The following STK25 variants were observed in gnomAD, a reference collection of about 807,000 sequenced individuals.
STK25 encodes the protein serine/threonine-protein kinase 25.
A neutral mutation model predicts 53.8 loss-of-function variants in STK25; 29 were observed. The ratio of observed to expected loss-of-function variants is 0.54; its 90% CI spans 0.40 to 0.74. The LOEUF (loss-of-function observed/expected upper bound fraction) is 0.74, where lower values mean the gene tolerates loss of function less well. Among genes scored for constraint, STK25 ranks in the 30% least tolerant of loss-of-function variants. STK25 has a pLI of 0.00. For missense variants in STK25, 420 were observed against 568.0 expected (o/e 0.74, Z 2.65); for synonymous variants, 247 against 238.3 (o/e 1.04, Z -0.33).
In STK25 at chr2:241,493,480, A is replaced by G. The variant is rs745692051; in HGVS notation, c.*2182T>C. The G allele has an allele frequency of 6.2e-7, 1 of 1,600,504 alleles. No individual in the cohort carries two copies. Among genetic ancestry groups the G allele is most frequent in the South Asian group, 1.1e-5 (1 of 90,762 alleles). The stretch of plus-strand genomic sequence containing the variant: ...AGGAGGCAGCCCTGGTCAGCTGCCC[A>G]TTTCGATGTCCGCTCAGCTCCCATT... On this transcript the variant is annotated 3_prime_UTR_variant, in exon 12 of 12. Transcript: ENST00000316586.
At position 241,494,179 on chromosome 2, in the gene STK25, G is replaced by A; in HGVS notation, c.*1483C>T. On this transcript the variant is annotated 3_prime_UTR_variant, in exon 12 of 12. Coordinates refer to ENST00000316586, the MANE Select transcript of STK25 (RefSeq NM_001271977.2). The surrounding 1 kb of genome is among the most constrained non-coding windows in gnomAD (Gnocchi z 4.9). ...CTACAAAGAACAGCAGGACACAGAG[G>A]TGACCTCTGTCCTGAGGCTTCTCAA... 2.6e-6 allele frequency: 3 copies of A among 1,154,318 alleles called. No homozygotes were observed. Among genetic ancestry groups the A allele is most frequent in the Admixed American group, 3.0e-5 (1 of 33,810 alleles). The allele number at this position is 1,154,318 out of a possible 1,614,324, so 71.5% of individuals were successfully genotyped here.
At position 241,494,174 on chromosome 2, in the gene STK25, C is replaced by G; in HGVS notation, c.*1488G>C. 8.4e-7 allele frequency: 1 copy of G among 1,186,362 alleles called. No individual in the cohort carries two copies. Among genetic ancestry groups the G allele is most frequent in the South Asian group, 1.8e-5 (1 of 55,596 alleles). The allele number at this position is 1,186,362 out of a possible 1,614,324, so 73.5% of individuals were successfully genotyped here. ...CACAACTACAAAGAACAGCAGGACA[C>G]AGAGGTGACCTCTGTCCTGAGGCTT... On this transcript the variant is annotated 3_prime_UTR_variant, in exon 12 of 12. Transcript: ENST00000316586. The surrounding 1 kb of genome is among the most constrained non-coding windows in gnomAD (Gnocchi z 4.9).
chr2:241,493,153 C>T lies in STK25; in HGVS notation c.*2509G>A, dbSNP rs954377435. 3.4e-6 allele frequency: 4 copies of T among 1,170,418 alleles called. No homozygotes were observed. Among genetic ancestry groups the T allele is most frequent in the Non-Finnish European group, 5.1e-6 (4 of 791,890 alleles). The allele number at this position is 1,170,418 out of a possible 1,614,324, so 72.5% of individuals were successfully genotyped here. Reference sequence around the variant, plus strand: ...GCCCTCCCATGCTTTGCCCACACACCCTGTGCTGTGTGAACAGGGAAACTG... The same window carrying T: ...GCCCTCCCATGCTTTGCCCACACACTCTGTGCTGTGTGAACAGGGAAACTG... On this transcript the variant is annotated 3_prime_UTR_variant, in exon 12 of 12. Coordinates refer to ENST00000316586, the MANE Select transcript of STK25 (RefSeq NM_001271977.2).
Position 241,508,525 on chromosome 2 carries a change from G to A in STK25, c.-183C>T, listed in dbSNP as rs2065997822. On this transcript the variant is annotated 5_prime_UTR_variant, in exon 1 of 12. Transcript: ENST00000316586. Reference sequence around the variant, plus strand: ...CCCACCCGCAGCCTCTGTTCGCCCGGGGACCCCGGGCCTCCCAGCCCGCGA... The same window carrying A: ...CCCACCCGCAGCCTCTGTTCGCCCGAGGACCCCGGGCCTCCCAGCCCGCGA... The A allele has an allele frequency of 9.9e-7, 1 of 1,007,794 alleles. No homozygotes were observed. Among genetic ancestry groups the A allele is most frequent in the Non-Finnish European group, 1.2e-6 (1 of 842,882 alleles). 62.4% of individuals were successfully genotyped at this position (1,007,794 alleles called of 1,614,324 possible).
rs746027285 is a variant in STK25, at chr2:241,507,988, G to A, written c.30+18C>T. On this transcript the variant is annotated intron_variant, in intron 2 of 11. Coordinates refer to ENST00000316586, the MANE Select transcript of STK25 (RefSeq NM_001271977.2). ...TCGGTGAGAGGCCGCTAGTCTTCCT[G>A]ACCTGCACCCTTCTCACCTGGTTGG... 1.3e-6 allele frequency: 2 copies of A among 1,594,216 alleles called. No homozygotes were observed. The highest frequency in any genetic ancestry group is 2.7e-5 in the African/African-American group (2 of 74,266).
rs1388445355 is a variant in STK25 at position 241,493,594 on chromosome 2, TTTG to T, written c.*2065_*2067del. The stretch of plus-strand genomic sequence containing the variant: ...CAGCATTTCCAAAAAACAGCAATGC[TTTG>T]TTTTTTTTTTTTTTGGAGATGGCGT... On this transcript the variant is annotated 3_prime_UTR_variant, in exon 12 of 12. Coordinates refer to ENST00000316586, the MANE Select transcript of STK25 (RefSeq NM_001271977.2). 4 of 628,234 alleles carry T rather than the reference TTTG, an allele frequency of 6.4e-6. No individual in the cohort carries two copies. The highest frequency in any genetic ancestry group is 2.0e-5 in the African/African-American group (1 of 50,488). The allele number at this position is 628,234 out of a possible 1,614,324, so 38.9% of individuals were successfully genotyped here.
At position 241,493,993 on chromosome 2, in the gene STK25, C is replaced by T. The variant is rs2065033431; in HGVS notation, c.*1669G>A. 1.1e-5 allele frequency: 15 copies of T among 1,367,362 alleles called. No individual in the cohort carries two copies. The highest frequency in any genetic ancestry group is 5.5e-5 in the East Asian group (2 of 36,122). The allele number at this position is 1,367,362 out of a possible 1,614,324, so 84.7% of individuals were successfully genotyped here. A position where few individuals can be genotyped will look rare whatever the true frequency, so the allele number is the denominator to read the frequency against. ...CAAGATGGCTCACTGGTCTGATGGC[C>T]GCCCTCTCCTCCAGGTGGATGGAGG... is the stretch of plus-strand genomic sequence containing the variant. On this transcript the variant is annotated 3_prime_UTR_variant, in exon 12 of 12. Coordinates refer to ENST00000316586, the MANE Select transcript of STK25 (RefSeq NM_001271977.2).
In STK25 at chr2:241,508,434, C is replaced by A; in HGVS notation, c.-101+9G>T. 9.2e-7 allele frequency: 1 copy of A among 1,082,262 alleles called. No individual in the cohort carries two copies. The highest frequency in any genetic ancestry group is 1.1e-6 in the Non-Finnish European group (1 of 888,304). The allele number at this position is 1,082,262 out of a possible 1,614,324, so 67.0% of individuals were successfully genotyped here. On this transcript the variant is annotated intron_variant, in intron 1 of 11. Transcript: ENST00000316586. ...TCGCCGCAAGCGCCCCGCCCGGCAG[C>A]GCGCCCACCTCCGCGGGGCTCCATC...
Position 241,493,324 on chromosome 2 carries a change from T to C in STK25, c.*2338A>G. 1 of 1,613,982 alleles carries C rather than the reference T, an allele frequency of 6.2e-7. No homozygotes were observed. Among genetic ancestry groups the C allele is most frequent in the Admixed American group, 1.7e-5 (1 of 60,018 alleles). On this transcript the variant is annotated 3_prime_UTR_variant, in exon 12 of 12. Coordinates refer to ENST00000316586, the MANE Select transcript of STK25 (RefSeq NM_001271977.2). ...TACCCACTGGCCAGCCTCCCGCTGC[T>C]GGGCTACAGCGTGAGCATCCCCAGG...
intron 2 of STK25, among the ~76,000 whole-genome samples, chr2:241,507,061 C>G (rs762880588): frequency 6.6e-6 from 1 of 152,172 alleles, no homozygotes; most frequent in African/African-American, 2.4e-5. Flanking sequence ...ACTGCAGGCC[C>G]AACTCTCCAT....
At chr2:241,498,532 C>G in intron 8 of STK25, 107 bp downstream of exon 8, 1 of 1,433,552 alleles carries the variant, frequency 7.0e-7, no homozygotes, top group Non-Finnish European at 9.4e-7. Flanking sequence ...CTGCCCAACA[C>G]TATATCTGGT....
At chr2:241,497,865 G>A (rs1574939955) in intron 9 of STK25, among the ~76,000 whole-genome samples, 178 bp from the exon 10 acceptor site, 1 of 149,654 alleles carries the variant, frequency 6.7e-6, no homozygotes, top group African/African-American at 2.5e-5. Context: ...CTCTGAGGGC[G>A]ACTCCCACCC....
At chr2:241,508,373 C>T in intron 1 of STK25, 70 bp downstream of exon 1, 1 of 1,119,540 alleles carries the variant, frequency 8.9e-7, no homozygotes, top group Non-Finnish European at 1.1e-6. Flanking sequence ...CGCCACCGAG[C>T]CCCGCCCCGG....
intron 3 of STK25, 69 bp from the exon 4 acceptor site, chr2:241,500,865 C>G: frequency 6.5e-7 from 1 of 1,544,056 alleles, no homozygotes; most frequent in East Asian, 2.3e-5. Flanking sequence ...GTGGGAGTCA[C>G]AGGCCGGAGT....
chr2:241,508,434 C>T lies in STK25; in HGVS notation c.-101+9G>A, dbSNP rs2065992642. On this transcript the variant is annotated intron_variant, in intron 1 of 11. Coordinates refer to ENST00000316586, the MANE Select transcript of STK25 (RefSeq NM_001271977.2). ...TCGCCGCAAGCGCCCCGCCCGGCAGCGCGCCCACCTCCGCGGGGCTCCATC... is the reference window on the plus strand; with the variant it reads ...TCGCCGCAAGCGCCCCGCCCGGCAGTGCGCCCACCTCCGCGGGGCTCCATC... 1 of 1,082,262 alleles carries T rather than the reference C, an allele frequency of 9.2e-7. No homozygotes were observed. The highest frequency in any genetic ancestry group is 1.1e-6 in the Non-Finnish European group (1 of 888,304). The allele number at this position is 1,082,262 out of a possible 1,614,324, so 67.0% of individuals were successfully genotyped here.
At position 241,494,953 on chromosome 2, in the gene STK25, T is replaced by C; in HGVS notation, c.*709A>G. 6.6e-6 allele frequency: 1 copy of C among 152,192 alleles called. No individual in the cohort carries two copies. Among genetic ancestry groups the C allele is most frequent in the Non-Finnish European group, 1.5e-5 (1 of 68,028 alleles). 9.4% of individuals were successfully genotyped at this position (152,192 alleles called of 1,614,324 possible). On this transcript the variant is annotated 3_prime_UTR_variant, in exon 12 of 12. Coordinates refer to ENST00000316586, the MANE Select transcript of STK25 (RefSeq NM_001271977.2). This position sits in a 1 kb window ranked among gnomAD's most constrained non-coding sequence, Gnocchi z 4.9. ...GGGCTGCCGTCTCTGCGTGCTGTGA[T>C]GAGGACTCGGGACCAGGGACGCTGC...
chr2:241,493,597 G>T lies in STK25; in HGVS notation c.*2065C>A, dbSNP rs200604715. ...CATTTCCAAAAAACAGCAATGCTTT[G>T]TTTTTTTTTTTTTTGGAGATGGCGT... On this transcript the variant is annotated 3_prime_UTR_variant, in exon 12 of 12. Coordinates refer to ENST00000316586, the MANE Select transcript of STK25 (RefSeq NM_001271977.2). The T allele has an allele frequency of 2.4e-4, 132 of 559,894 alleles. No individual in the cohort carries two copies. The highest frequency in any genetic ancestry group is 4.8e-4 in the Middle Eastern group (1 of 2,066). The allele number at this position is 559,894 out of a possible 1,614,324, so 34.7% of individuals were successfully genotyped here. A position where few individuals can be genotyped will look rare whatever the true frequency, so the allele number is the denominator to read the frequency against.
At chr2:241,500,871 G>A (rs554204030) in intron 3 of STK25, 75 bp from the exon 4 acceptor site, 299 of 1,509,744 alleles carry the variant, frequency 2.0e-4, no homozygotes, top group African/African-American at 2.0e-3. Flanking sequence ...GTCACAGGCC[G>A]GAGTCAGCCA....
In STK25 at chr2:241,501,224, GC is replaced by G; in HGVS notation, c.261+253del. 4 of 573,088 alleles carry G rather than the reference GC, an allele frequency of 7.0e-6. No homozygotes were observed. Among genetic ancestry groups the G allele is most frequent in the Non-Finnish European group, 1.3e-5 (4 of 317,932 alleles). 35.5% of individuals were successfully genotyped at this position (573,088 alleles called of 1,614,324 possible). ...GGCCCACTCACCACTGCCAGTAGGG[GC>G]CCCCCAGAGTGCTCCTAGCAGCGCC... On this transcript the variant is annotated intron_variant, in intron 3 of 11. Transcript: ENST00000316586. This position sits in a 1 kb window ranked among gnomAD's most constrained non-coding sequence, Gnocchi z 5.3.
Sources: allele counts gnomAD v4.1 joint callset (sites outside exome capture counted in the v4.1 genomes callset), GRCh38; gene constraint gnomAD v4.1.1; non-coding constraint Gnocchi (gnomAD v3.1); transcripts MANE v1.5; gene names NCBI Gene and HGNC (gene_info 2026-07-23, HGNC 2026-07-21).